Variants in FERMT2 observed in about 807,000 individuals in gnomAD.
FERMT2 encodes the protein FERM domain containing kindlin 2, also known as fermitin family homolog 2.
Under a neutral mutation model 82.7 loss-of-function variants are expected in FERMT2, and 15 were observed. The ratio of observed to expected loss-of-function variants is 0.18; its 90% confidence interval spans 0.12 to 0.28. FERMT2 has a LOEUF of 0.28. Among genes scored for constraint, FERMT2 ranks in the 10% least tolerant of loss-of-function variants. The pLI is 1.00. For missense variants in FERMT2, 645 were observed against 809.4 expected (o/e 0.80, Z 2.46); for synonymous variants, 274 against 271.5 (o/e 1.01, Z -0.09).
chr14:52,897,355 A>AT (rs1279097303), intron 3 of FERMT2, among the ~76,000 whole-genome samples: 2 of 152,302 alleles, frequency 1.3e-5, no homozygotes, highest in Non-Finnish European at 2.9e-5. Context: ...ATTAAAGGTT[A>AT]TAATAATTTT....
intron 11 of FERMT2, 42 bp downstream of exon 11, chr14:52,864,705 C>T (rs944691171): frequency 6.3e-7 from 1 of 1,576,208 alleles, no homozygotes; most frequent in Non-Finnish European, 8.7e-7. Flanking sequence ...CTGGTCAACT[C>T]ATTTAAGAAA....
rs564819309 is a variant in FERMT2 at position 52,947,351 on chromosome 14, T to C, written c.157+3061A>G. 3.3e-5 allele frequency among the ~76,000 whole-genome samples: 5 copies of C among 152,000 alleles called. No individual in the cohort carries two copies. In the East Asian group the frequency reaches 9.7e-4, roughly 29 times the overall value. On this transcript the variant is annotated intron_variant, in intron 2 of 14. Transcript: ENST00000341590. ...ATAATTAGCCAGGCATGGTGGCGGGTGTCTGTAGTCCCAGCTACTCGGGAG... is the reference window on the plus strand; with the variant it reads ...ATAATTAGCCAGGCATGGTGGCGGGCGTCTGTAGTCCCAGCTACTCGGGAG...
chr14:52,938,435 C>T (rs562871926), intron 2 of FERMT2, among the ~76,000 whole-genome samples: 1 of 152,298 alleles, frequency 6.6e-6, no homozygotes, highest in Admixed American at 6.5e-5. Flanking sequence ...TTAGTCAATA[C>T]ATTAGCCCCC....
chr14:52,950,389 G>A, intron 2 of FERMT2, 23 bp downstream of exon 2: 2 of 1,605,796 alleles, frequency 1.2e-6, no homozygotes, highest in South Asian at 2.2e-5. Flanking sequence ...TCATTAGTTG[G>A]ACGCGGCTGG....
intron 4 of FERMT2, among the ~76,000 whole-genome samples, chr14:52,885,346 ACTAATGT>A: frequency 7.1e-6 from 1 of 141,442 alleles, no homozygotes; most frequent in Non-Finnish European, 1.5e-5. Context: ...AAAATCTGTT[ACTAATGT>A]CATTATTGCA....
intron 4 of FERMT2, among the ~76,000 whole-genome samples, chr14:52,887,708 C>T (rs546955169): frequency 4.6e-5 from 7 of 151,984 alleles, no homozygotes; most frequent in South Asian, 4.2e-4. Flanking sequence ...GCATGAGCAC[C>T]GGAGCCTGGA....
chr14:52,927,273 GA>G (rs1410068486), intron 2 of FERMT2, among the ~76,000 whole-genome samples: 3 of 150,616 alleles, frequency 2.0e-5, no homozygotes, highest in African/African-American at 7.3e-5. Context: ...TCACCAAAAA[GA>G]AAAAAAAGAA....
chr14:52,896,672 T>A (rs568289379), intron 3 of FERMT2, among the ~76,000 whole-genome samples: 35 of 152,282 alleles, frequency 2.3e-4, no homozygotes, highest in Admixed American at 1.0e-3. Context: ...TGTGTCTTAA[T>A]GTTTTTCCTC....
chr14:52,947,297 G>A (rs1595032041), intron 2 of FERMT2, among the ~76,000 whole-genome samples: 1 of 152,132 alleles, frequency 6.6e-6, no homozygotes, highest in Admixed American at 6.5e-5. Flanking sequence ...GGTTAACACG[G>A]TGAAACCCCG....
intron 2 of FERMT2, among the ~76,000 whole-genome samples, chr14:52,931,245 A>C (rs530215332): frequency 6.6e-6 from 1 of 152,348 alleles, no homozygotes; most frequent in African/African-American, 2.4e-5. Context: ...GACACAGACA[A>C]GTAAAATGAG....
chr14:52,868,851 G>A (rs1366495841), intron 10 of FERMT2, among the ~76,000 whole-genome samples: 1 of 152,160 alleles, frequency 6.6e-6, no homozygotes, highest in Non-Finnish European at 1.5e-5. Flanking sequence ...TTTAGTAGAA[G>A]AGCAGCATCC....
At position 52,864,748 on chromosome 14, in the gene FERMT2, T is replaced by C; in HGVS notation, c.1379A>G (p.Asn460Ser). 5 of 1,606,888 alleles carry C rather than the reference T, an allele frequency of 3.1e-6. No individual in the cohort carries two copies. The highest frequency in any genetic ancestry group is 4.3e-6 in the Non-Finnish European group (5 of 1,174,692). The part of the protein sequence containing the change: ...GMNEIWLRCD[N>S]EKQYAHWMAA... ...TGTATTTTTAACTGGAAAACTTACA[T>C]TGTCACAACGAAGCCAGATTTCATT... Residue 460 changes from asparagine to serine, a missense_variant and splice_region_variant, in exon 11 of 15, where the codon AAT becomes AGT. By Grantham distance (46) the Asn-to-Ser change is conservative (BLOSUM62 1). Transcript: ENST00000341590.
chr14:52,936,238 T>C (rs1219924512), intron 2 of FERMT2, among the ~76,000 whole-genome samples: 1 of 152,240 alleles, frequency 6.6e-6, no homozygotes, highest in Non-Finnish European at 1.5e-5. Flanking sequence ...AGCAATTTAG[T>C]AAGAATATTT....
At chr14:52,923,297 C>T (rs74825460) in intron 2 of FERMT2, among the ~76,000 whole-genome samples, 12,629 of 151,974 alleles carry the variant, frequency 0.083, 657 homozygotes, top group East Asian at 0.22. Context: ...CACAGCCACA[C>T]TACTCTGTTC....
chr14:52,874,244 C>T lies in FERMT2; in HGVS notation c.1099-18G>A, dbSNP rs1281417561. The T allele has an allele frequency of 1.9e-6, 3 of 1,541,518 alleles. No homozygotes were observed. In the East Asian group the frequency reaches 7.0e-5, roughly 36 times the overall value. On this transcript the variant is annotated intron_variant, in intron 8 of 14. Transcript: ENST00000341590. ...ATGTCACCCTAGGAGAGAGTTAAAT[C>T]CTTTTTTAATTTTTTTAATATTTGA...
At chr14:52,876,006 A>T (rs1885937267) in intron 7 of FERMT2, among the ~76,000 whole-genome samples, 1 of 152,200 alleles carries the variant, frequency 6.6e-6, no homozygotes, top group Non-Finnish European at 1.5e-5. Context: ...TTGGATACAG[A>T]ATAGTTACTG....
At chr14:52,919,840 A>G (rs766112731) in intron 2 of FERMT2, among the ~76,000 whole-genome samples, 31 of 152,348 alleles carry the variant, frequency 2.0e-4, no homozygotes, top group Non-Finnish European at 3.2e-4. Context: ...ACAGAGACCA[A>G]TATCCTAGGT....
chr14:52,885,309 T>G (rs548486896), intron 4 of FERMT2, among the ~76,000 whole-genome samples: 1 of 36,268 alleles, frequency 2.8e-5, no homozygotes, highest in Non-Finnish European at 5.2e-5. Context: ...CGAGACTTAG[T>G]CTCAAAAAAA....
intron 14 of FERMT2, 117 bp from the exon 15 acceptor site, chr14:52,858,667 T>A: frequency 1.1e-6 from 1 of 886,154 alleles, no homozygotes; most frequent in Admixed American, 2.6e-5. Flanking sequence ...GATCCTCAAA[T>A]GATCAGTCTG....
Sources: gnomAD v4.1 joint callset for allele counts (sites outside exome capture counted in the v4.1 genomes callset) on GRCh38, gnomAD v4.1.1 for gene constraint, MANE v1.5 for transcripts, NCBI Gene and HGNC (gene_info 2026-07-23, HGNC 2026-07-21) for gene names.